The following ABCG5 variants were observed in gnomAD, a reference collection of about 807,000 sequenced individuals.
ABCG5 encodes ATP-binding cassette sub-family G member 5.
A neutral mutation model predicts 64.5 loss-of-function variants in ABCG5; 64 were observed. That is an observed-to-expected ratio of 0.99 (90% CI 0.81 to 1.22). ABCG5 has a LOEUF of 1.22. ABCG5 is among the 50% of genes most tolerant of loss of function. ABCG5 has a pLI of 0.00. For missense variants in ABCG5, 908 were observed against 829.5 expected (o/e 1.09, Z -1.16); for synonymous variants, 385 against 326.3 (o/e 1.18, Z -1.94).
At chr2:43,835,673 G>C (rs1668217208) in intron 2 of ABCG5, among the ~76,000 whole-genome samples, 1 of 152,146 alleles carries the variant, frequency 6.6e-6, no homozygotes, top group African/African-American at 2.4e-5. Context: ...AGGTGATATT[G>C]GGAGATGATT....
chr2:43,831,257 C>T (rs1399728327), intron 4 of ABCG5, among the ~76,000 whole-genome samples: 1 of 152,168 alleles, frequency 6.6e-6, no homozygotes, highest in Non-Finnish European at 1.5e-5. Context: ...GCTGCAGCCT[C>T]GACCTCCTGG....
At position 43,827,127 on chromosome 2, in the gene ABCG5, C is replaced by G. The variant is rs139146837; in HGVS notation, c.635-606G>C. On this transcript the variant is annotated intron_variant, in intron 5 of 12. Transcript: ENST00000405322. ...ATCACCTGAGGTCAGGAGTTCGAGACCACCCTGGCCAACATGGTGAAACCC... is the reference window on the plus strand; with the variant it reads ...ATCACCTGAGGTCAGGAGTTCGAGAGCACCCTGGCCAACATGGTGAAACCC... Among the ~76,000 whole-genome samples the G allele has an allele frequency of 2.4e-3, 363 of 152,212 alleles. 1 individual carries two copies. The highest frequency in any genetic ancestry group is 3.7e-3 in the Non-Finnish European group (254 of 68,012).
At position 43,813,197 on chromosome 2, in the gene ABCG5, C is replaced by G. The variant is rs1666571377; in HGVS notation, c.1875G>C (p.Leu625=). ...GAGCTGGAATAAATGAATACAAAAT[C>G]AGAAAGTTCATTGTGAATCTAGATG... ...GATSRFTMNF[L]ILYSFIPALV... is the part of the protein sequence containing the mutation. The change falls in exon 13 of 13, where the codon CTG becomes CTC. Residue 625 remains leucine, a synonymous_variant. Transcript: ENST00000405322. 2 of 1,601,518 alleles carry G rather than the reference C, an allele frequency of 1.2e-6. No individual in the cohort carries two copies. Among genetic ancestry groups the G allele is most frequent in the Non-Finnish European group, 8.6e-7 (1 of 1,168,832 alleles).
intron 7 of ABCG5, 181 bp downstream of exon 7, chr2:43,824,708 C>A (rs1667480395): frequency 1.1e-6 from 1 of 934,710 alleles, no homozygotes; most frequent in Admixed American, 6.2e-5. Flanking sequence ...GATCCCTGAC[C>A]TCATTCTGAT....
chr2:43,830,223 AT>A (rs1407072292), intron 4 of ABCG5, among the ~76,000 whole-genome samples: 1 of 152,240 alleles, frequency 6.6e-6, no homozygotes, highest in African/African-American at 2.4e-5. Flanking sequence ...TTGGAAACAA[AT>A]TTTGGAAATG....
At chr2:43,828,472 C>CAAAAAAAAAAAAAA in intron 4 of ABCG5, 3 of 184,288 alleles carry the variant, frequency 1.6e-5, no homozygotes, top group South Asian at 3.7e-5. Context: ...CCTGTCTCTA[C>CAAAAAAAAAAAAAA]AAAAAAAAAA....
At chr2:43,830,301 C>G (rs997005233) in intron 4 of ABCG5, among the ~76,000 whole-genome samples, 1 of 152,218 alleles carries the variant, frequency 6.6e-6, no homozygotes, top group African/African-American at 2.4e-5. Flanking sequence ...TGTGCTTTCA[C>G]GTAATCTGAT....
downstream of ABCG5, among the ~76,000 whole-genome samples, chr2:43,811,223 G>A (rs1221392984): frequency 1.3e-5 from 2 of 152,080 alleles, no homozygotes; most frequent in African/African-American, 2.4e-5. Flanking sequence ...TAACTGATGT[G>A]ACATATATAA....
At chr2:43,838,982 A>G, upstream of ABCG5, 2 of 1,474,440 alleles carry the variant, frequency 1.4e-6, no homozygotes, top group Non-Finnish European at 1.9e-6. The surrounding 1 kb of genome is among the most constrained non-coding windows in gnomAD (Gnocchi z 4.2). Flanking sequence ...AACAGAGTGA[A>G]GACACTGGCC....
chr2:43,832,353 G>A (rs1668003137), intron 2 of ABCG5: 1 of 577,184 alleles, frequency 1.7e-6, no homozygotes, highest in East Asian at 2.9e-5. Flanking sequence ...AAGACCGAAC[G>A]TGCTTTCTCT....
intron 2 of ABCG5, among the ~76,000 whole-genome samples, chr2:43,833,550 T>G (rs186054273): frequency 1.3e-5 from 2 of 151,404 alleles, no homozygotes; most frequent in African/African-American, 4.9e-5. Flanking sequence ...GCCCAACTAA[T>G]TTTTTTTGTA....
In ABCG5 at chr2:43,814,546, A is replaced by G; in HGVS notation, c.1693T>C (p.Phe565Leu). The G allele has an allele frequency of 6.2e-7, 1 of 1,609,432 alleles. No individual in the cohort carries two copies. Among genetic ancestry groups the G allele is most frequent in the Non-Finnish European group, 8.5e-7 (1 of 1,176,678 alleles). The change falls in exon 12 of 13, where the codon TTT becomes CTT. Residue 565 changes from phenylalanine to leucine, a missense_variant. Transcript: ENST00000405322. ...TCACTGCAATATTTTTGGAATGTAA[A>G]ATAACTGATGATTTTAAAAGGAATG... ...MPIPFKIISY[F>L]TFQKYCSEIL...
chr2:43,836,276 T>C (rs770627912), intron 2 of ABCG5, among the ~76,000 whole-genome samples: 6 of 152,152 alleles, frequency 3.9e-5, no homozygotes, highest in African/African-American at 7.2e-5. Flanking sequence ...TGTTGGCATC[T>C]GGTTGTGCAC....
rs775594151 is a variant in ABCG5, at chr2:43,828,008, G to T, written c.609C>A (p.Ile203=). 1 of 1,614,088 alleles carries T rather than the reference G, an allele frequency of 6.2e-7. No individual in the cohort carries two copies. Among genetic ancestry groups the T allele is most frequent in the Non-Finnish European group, 8.5e-7 (1 of 1,180,014 alleles). Reference sequence around the variant, plus strand: ...TAGGATCCTGGAGCAGCTGGGCTGCGATGGAGACCCGGCGCCGCTCACCCG... The same window carrying T: ...TAGGATCCTGGAGCAGCTGGGCTGCTATGGAGACCCGGCGCCGCTCACCCG... The part of the protein sequence containing the change: ...ISTGERRRVS[I]AAQLLQDPKV... Residue 203 remains isoleucine (I), a synonymous_variant, in exon 5 of 13, where the codon ATC becomes ATA. Transcript: ENST00000405322.
the ABCG5 span, among the ~76,000 whole-genome samples, chr2:43,807,019 G>A: frequency 6.6e-6 from 1 of 152,220 alleles, no homozygotes; most frequent in African/African-American, 2.4e-5. Context: ...ATAATTTTAT[G>A]CTTTAGCTGT....
At chr2:43,826,619 C>T (rs1667622725) in intron 5 of ABCG5, 98 bp from the exon 6 acceptor site, 5 of 1,560,084 alleles carry the variant, frequency 3.2e-6, no homozygotes, top group Non-Finnish European at 4.4e-6. Context: ...GAGTTTGTAC[C>T]CCATTCAAAC....
At chr2:43,808,187 A>T (rs1157262896), downstream of ABCG5, among the ~76,000 whole-genome samples, 1 of 152,168 alleles carries the variant, frequency 6.6e-6, no homozygotes, top group Admixed American at 6.5e-5. Flanking sequence ...TATTAGAAAA[A>T]AATAAAACAA....
chr2:43,838,063 A>G lies in ABCG5; in HGVS notation c.144-108T>C. On this transcript the variant is annotated intron_variant, in intron 1 of 12. Coordinates refer to ENST00000405322, the MANE Select transcript of ABCG5 (RefSeq NM_022436.3). This position sits in a 1 kb window ranked among gnomAD's most constrained non-coding sequence, Gnocchi z 4.2. Reference sequence around the variant, plus strand: ...TGTGCCCCACCCCAGTAGTCTCCGGACAGGCTCCTAACGTGTTTCAGTCTC... The same window carrying G: ...TGTGCCCCACCCCAGTAGTCTCCGGGCAGGCTCCTAACGTGTTTCAGTCTC... 6.7e-7 allele frequency: 1 copy of G among 1,483,910 alleles called. No individual in the cohort carries two copies. The highest frequency in any genetic ancestry group is 1.2e-5 in the South Asian group (1 of 85,846). The allele number at this position is 1,483,910 out of a possible 1,614,324, so 91.9% of individuals were successfully genotyped here.
chr2:43,827,050 C>T (rs577231720), intron 5 of ABCG5, among the ~76,000 whole-genome samples: 105 of 152,276 alleles, frequency 6.9e-4, no homozygotes, highest in Non-Finnish European at 1.2e-3. Flanking sequence ...GGGGGCCGGG[C>T]GCGGTGGCTC....
Sources: allele counts gnomAD v4.1 joint callset (sites outside exome capture counted in the v4.1 genomes callset), GRCh38; gene constraint gnomAD v4.1.1; non-coding constraint Gnocchi (gnomAD v3.1); transcripts MANE v1.5; gene names NCBI Gene and HGNC (gene_info 2026-07-23, HGNC 2026-07-21).